Variants in KCNH4 observed in about 807,000 individuals in gnomAD.
KCNH4 encodes voltage-gated delayed rectifier potassium channel KCNH4.
Under a neutral mutation model 90.7 loss-of-function variants are expected in KCNH4, and 33 were observed. The observed-to-expected ratio is 0.36, with a 90% CI of 0.28 to 0.49. The LOEUF (loss-of-function observed/expected upper bound fraction) is 0.49. KCNH4 is among the 20% of genes least tolerant of loss of function. The pLI is 0.98. For missense variants in KCNH4, 1,044 were observed against 1,387.1 expected (o/e 0.75, Z 3.93); for synonymous variants, 551 against 581.7 (o/e 0.95, Z 0.76).
Position 42,163,357 on chromosome 17 carries a change from C to A in KCNH4, c.2478-23G>T. 1 of 1,560,758 alleles carries A rather than the reference C, an allele frequency of 6.4e-7. No individual in the cohort carries two copies. Among genetic ancestry groups the A allele is most frequent in the Non-Finnish European group, 8.8e-7 (1 of 1,132,238 alleles). On this transcript the variant is annotated intron_variant, in intron 13 of 16. Coordinates refer to ENST00000264661, the MANE Select transcript of KCNH4 (RefSeq NM_012285.3). This position sits in a 1 kb window ranked among gnomAD's most constrained non-coding sequence, Gnocchi z 5.4. ...ATCCTGGGAACAGGGCAGTGCTCAT[C>A]AGCACCATGGGGTGAGGGTAAGGGC...
At chr17:42,174,588 C>T (rs1416997110) in intron 6 of KCNH4, among the ~76,000 whole-genome samples, 5 of 152,142 alleles carry the variant, frequency 3.3e-5, no homozygotes, top group African/African-American at 7.2e-5. Context: ...TAGTTAAATT[C>T]GGCTGCGTGT....
At chr17:42,172,035 C>G in intron 6 of KCNH4, 40 bp from the exon 7 acceptor site, 1 of 1,526,788 alleles carries the variant, frequency 6.5e-7, no homozygotes, top group East Asian at 2.4e-5. Context: ...GCAGGCACAC[C>G]TCCTCCGAGC....
In KCNH4 at chr17:42,163,665, C is replaced by T. The variant is rs1390371923; in HGVS notation, c.2418G>A (p.Lys806=). 6 of 1,507,556 alleles carry T rather than the reference C, an allele frequency of 4.0e-6. No individual in the cohort carries two copies. In the East Asian group the frequency reaches 7.0e-5, roughly 18 times the overall value. The allele number at this position is 1,507,556 out of a possible 1,614,324, so 93.4% of individuals were successfully genotyped here. A position where few individuals can be genotyped will look rare whatever the true frequency, so the allele number is the denominator to read the frequency against. ...GTGGGGGAATGAGAAGCTGAGGGGG[C>T]TTCCAGGCAGCAGAGCACCTGGGGG... ...HGPPRCSAAW[K]PPQLLIPPLG... The change falls in exon 13 of 17, where the codon AAG becomes AAA. Residue 806 remains lysine (K), a synonymous_variant. Transcript: ENST00000264661. The surrounding 1 kb of genome is among the most constrained non-coding windows in gnomAD (Gnocchi z 5.4).
rs1174178223 is a variant in KCNH4 at position 42,169,630 on chromosome 17, C to T, written c.1437G>A (p.Gln479=). The change falls in exon 9 of 17, where the codon CAG becomes CAA. Residue 479 remains glutamine (Q), a synonymous_variant. Coordinates refer to ENST00000264661, the MANE Select transcript of KCNH4 (RefSeq NM_012285.3). ...AGAGCGAGCGGCGCGAGTACATGCG[C>T]TGGATGATGGCTGTCACGTTCCCGA... ...VVFGNVTAII[Q]RMYSRRSLYH... The T allele has an allele frequency of 4.3e-6, 7 of 1,613,946 alleles. No individual in the cohort carries two copies. In the African/African-American group the frequency reaches 6.7e-5, roughly 15 times the overall value.
chr17:42,174,083 G>A (rs1289270071), intron 6 of KCNH4, among the ~76,000 whole-genome samples: 4 of 152,072 alleles, frequency 2.6e-5, no homozygotes, highest in East Asian at 1.9e-4. Context: ...TCATCCTCCC[G>A]AGTAGCTGGG....
Position 42,180,779 on chromosome 17 carries a change from C to T in KCNH4, c.76+91G>A. The stretch of plus-strand genomic sequence containing the variant: ...GCACCTCCATTCTCTCCCCTCGCCT[C>T]GGGTCTCACCATGTCCAGGAGATCC... On this transcript the variant is annotated intron_variant, in intron 1 of 16. Coordinates refer to ENST00000264661, the MANE Select transcript of KCNH4 (RefSeq NM_012285.3). This position sits in a 1 kb window ranked among gnomAD's most constrained non-coding sequence, Gnocchi z 4.7. 7.7e-7 allele frequency: 1 copy of T among 1,303,694 alleles called. No homozygotes were observed. The highest frequency in any genetic ancestry group is 1.1e-6 in the Non-Finnish European group (1 of 907,310). The allele number at this position is 1,303,694 out of a possible 1,614,324, so 80.8% of individuals were successfully genotyped here.
At chr17:42,164,491 T>C (rs565673484) in intron 11 of KCNH4, among the ~76,000 whole-genome samples, 1 of 152,078 alleles carries the variant, frequency 6.6e-6, no homozygotes, top group Non-Finnish European at 1.5e-5. Flanking sequence ...GAGGAGCACA[T>C]GAGGGGGTTG....
At chr17:42,164,093 C>T (rs1189613209) in intron 12 of KCNH4, 37 bp downstream of exon 12, 6 of 1,548,220 alleles carry the variant, frequency 3.9e-6, no homozygotes, top group Non-Finnish European at 4.4e-6. Context: ...ACCCTCTCCC[C>T]AGGGCAATTC....
At chr17:42,178,512 G>C (rs376086958) in intron 2 of KCNH4, 35 bp from the exon 3 acceptor site, 34 of 1,611,836 alleles carry the variant, frequency 2.1e-5, no homozygotes, top group Admixed American at 3.3e-5. Flanking sequence ...GAGGAGCATG[G>C]GCAGCCCCAT....
chr17:42,170,342 C>A, intron 7 of KCNH4, 41 bp from the exon 8 acceptor site: 2 of 1,521,448 alleles, frequency 1.3e-6, no homozygotes, highest in South Asian at 1.2e-5. Flanking sequence ...GCTGTGCCAG[C>A]GGTGGAGAAC....
At chr17:42,158,562 G>A (rs2079724125) in intron 16 of KCNH4, among the ~76,000 whole-genome samples, 1 of 138,060 alleles carries the variant, frequency 7.2e-6, no homozygotes, top group Non-Finnish European at 1.5e-5. Context: ...TAGGCTGGGT[G>A]CGGTGGCTGA....
In KCNH4 at chr17:42,157,054, G is replaced by A. The variant is rs1328533009; in HGVS notation, c.*374C>T. The A allele has an allele frequency of 1.3e-5, 2 of 152,544 alleles. No homozygotes were observed. Among genetic ancestry groups the A allele is most frequent in the African/African-American group, 4.8e-5 (2 of 41,434 alleles). 9.4% of individuals were successfully genotyped at this position (152,544 alleles called of 1,614,324 possible). On this transcript the variant is annotated 3_prime_UTR_variant, in exon 17 of 17. Transcript: ENST00000264661. ...TGGCAGCGGTCTGGGGTCAGGGAAA[G>A]GATAGGGAGTGCTGTTGGGATTTTT...
chr17:42,165,322 G>A, intron 11 of KCNH4, 127 bp downstream of exon 11: 3 of 1,187,996 alleles, frequency 2.5e-6, no homozygotes. Context: ...GGGCAATGGA[G>A]GAGGGTGCCT....
intron 11 of KCNH4, 77 bp downstream of exon 11, chr17:42,165,372 T>C (rs754532593): frequency 1.1e-5 from 18 of 1,566,418 alleles, no homozygotes; most frequent in East Asian, 2.3e-5. Context: ...GGGAGGTTCA[T>C]GGGACTCTCA....
At chr17:42,157,338 G>A (rs954074301) in intron 16 of KCNH4, among the ~76,000 whole-genome samples, 1 of 151,998 alleles carries the variant, frequency 6.6e-6, no homozygotes, top group East Asian at 1.9e-4. Context: ...TTGAGCCTCC[G>A]CGCCTGGCAG....
Position 42,158,267 on chromosome 17 carries a change from T to G in KCNH4, c.*310-1149A>C, listed in dbSNP as rs1251706865. On this transcript the variant is annotated intron_variant, in intron 16 of 16. Coordinates refer to ENST00000264661, the MANE Select transcript of KCNH4 (RefSeq NM_012285.3). ...TTGAAAAATATTTTGAAAAATATTTTTCAAAATAATCCCAGCACTTTGGGA... is the reference window on the plus strand; with the variant it reads ...TTGAAAAATATTTTGAAAAATATTTGTCAAAATAATCCCAGCACTTTGGGA... 1.3e-4 allele frequency among the ~76,000 whole-genome samples: 19 copies of G among 150,650 alleles called. No individual in the cohort carries two copies. In the East Asian group the frequency reaches 3.4e-3, roughly 27 times the overall value.
rs528077880 is a variant in KCNH4 at position 42,170,296 on chromosome 17, A to G, written c.1201T>C (p.Leu401=). The G allele has an allele frequency of 3.1e-5, 49 of 1,591,188 alleles. No homozygotes were observed. In the Admixed American group the frequency reaches 3.8e-4, roughly 12 times the overall value. The part of the protein sequence containing the change: ...NDPLLWDIGW[L]HELGKRLEVP... ...TCCAGACGCTTGCCCAACTCATGCA[A>G]CCAGCCTGCAGGGTGGACGGATGCA... is the stretch of plus-strand genomic sequence containing the variant. Residue 401 remains leucine (L), a synonymous_variant, in exon 8 of 17, where the codon TTG becomes CTG. Coordinates refer to ENST00000264661, the MANE Select transcript of KCNH4 (RefSeq NM_012285.3).
At chr17:42,160,647 A>C (rs2079739843) in intron 15 of KCNH4, among the ~76,000 whole-genome samples, 1 of 152,142 alleles carries the variant, frequency 6.6e-6, no homozygotes, top group Non-Finnish European at 1.5e-5. Flanking sequence ...TTCCTCCCCT[A>C]CACACACACG....
At chr17:42,159,378 G>A (rs942206767) in intron 16 of KCNH4, among the ~76,000 whole-genome samples, 8 of 152,036 alleles carry the variant, frequency 5.3e-5, no homozygotes, top group Admixed American at 1.3e-4. Context: ...ATAATGCTGC[G>A]CGAGCCGAAG....
Sources: gnomAD v4.1 joint callset for allele counts (sites outside exome capture counted in the v4.1 genomes callset) on GRCh38, gnomAD v4.1.1 for gene constraint, Gnocchi (gnomAD v3.1) non-coding constraint, MANE v1.5 for transcripts, NCBI Gene and HGNC (gene_info 2026-07-23, HGNC 2026-07-21) for gene names.